Variants in PDSS2 observed in about 807,000 individuals in gnomAD.
PDSS2 encodes the protein decaprenyl diphosphate synthase subunit 2.
PDSS2 carries 31 observed loss-of-function variants against 44.5 expected under a neutral mutation model. That is an observed-to-expected ratio of 0.70 (90% CI 0.52 to 0.94). The LOEUF is 0.94. Ranked by LOEUF, PDSS2 falls within the 40% of genes least tolerant of loss-of-function variation. The pLI is 0.00. For missense variants in PDSS2, 452 were observed against 482.2 expected, an observed-to-expected ratio of 0.94 and a Z score of 0.59; for synonymous variants, 157 against 180.3, an observed-to-expected ratio of 0.87 and a Z score of 1.03.
chr6:107,455,639 AGTTACTGGG>A (rs1465960910), intron 1 of PDSS2, among the ~76,000 whole-genome samples: 1 of 151,330 alleles, frequency 6.6e-6, no homozygotes, highest in Non-Finnish European at 1.5e-5. Context: ...CTGCAATCCC[AGTTACTGGG>A]GAGGCTGAGG....
At chr6:107,191,253 C>T (rs1772370000) in intron 7 of PDSS2, among the ~76,000 whole-genome samples, 3 of 152,150 alleles carry the variant, frequency 2.0e-5, no homozygotes, top group Admixed American at 2.0e-4. Flanking sequence ...TAGACAGCCA[C>T]TCTGGCTGGT....
At chr6:107,189,591 C>A (rs1772298980) in intron 7 of PDSS2, among the ~76,000 whole-genome samples, 1 of 152,178 alleles carries the variant, frequency 6.6e-6, no homozygotes, top group African/African-American at 2.4e-5. Context: ...ACCCCCATGG[C>A]CTCCCAAAGT....
chr6:107,286,702 T>C (rs917709061), intron 2 of PDSS2, among the ~76,000 whole-genome samples: 6 of 151,676 alleles, frequency 4.0e-5, no homozygotes, highest in Non-Finnish European at 7.4e-5. Flanking sequence ...CCAGAAGAAA[T>C]ACAAGTGGCC....
intron 2 of PDSS2, among the ~76,000 whole-genome samples, chr6:107,333,954 T>G (rs1287299971): frequency 6.6e-6 from 1 of 151,924 alleles, no homozygotes; most frequent in Non-Finnish European, 1.5e-5. Flanking sequence ...GAACAGAAAA[T>G]TTTAAATGCC....
At chr6:107,433,039 C>T (rs774593466) in intron 1 of PDSS2, among the ~76,000 whole-genome samples, 8 of 152,180 alleles carry the variant, frequency 5.3e-5, no homozygotes, top group Admixed American at 1.3e-4. Flanking sequence ...TCTTTCTGTT[C>T]TGACTTATTT....
intron 1 of PDSS2, among the ~76,000 whole-genome samples, chr6:107,457,091 C>T (rs980960191): frequency 6.6e-6 from 1 of 152,048 alleles, no homozygotes; most frequent in African/African-American, 2.4e-5. Flanking sequence ...TAACTGGGAA[C>T]GATGCCAAGG....
intron 1 of PDSS2, among the ~76,000 whole-genome samples, chr6:107,399,475 C>T (rs571437773): frequency 6.6e-6 from 1 of 152,290 alleles, no homozygotes; most frequent in Admixed American, 6.5e-5. Flanking sequence ...GCATCCTTCC[C>T]ACCCTTGGCC....
intron 3 of PDSS2, among the ~76,000 whole-genome samples, chr6:107,260,956 C>T (rs1775200222): frequency 6.6e-6 from 1 of 152,190 alleles, no homozygotes; most frequent in Non-Finnish European, 1.5e-5. Context: ...GCCATCGCGC[C>T]TGGCCCCCCC....
intron 4 of PDSS2, among the ~76,000 whole-genome samples, chr6:107,223,467 G>A (rs1300060015): frequency 6.6e-6 from 1 of 151,068 alleles, no homozygotes; most frequent in African/African-American, 2.5e-5. Flanking sequence ...GGAGGGAGGT[G>A]GAGGTTGCAG....
intron 1 of PDSS2, among the ~76,000 whole-genome samples, chr6:107,455,086 C>G (rs1220251666): frequency 6.6e-6 from 1 of 151,922 alleles, no homozygotes; most frequent in Non-Finnish European, 1.5e-5. Context: ...GCAACACATA[C>G]ATGCTAGGAC....
intron 4 of PDSS2, among the ~76,000 whole-genome samples, chr6:107,215,153 C>T (rs1773369257): frequency 2.0e-5 from 3 of 151,958 alleles, no homozygotes; most frequent in Admixed American, 6.6e-5. Flanking sequence ...CTAAGAAAAA[C>T]CATATTATCT....
chr6:107,203,169 C>T (rs1213866474), intron 6 of PDSS2, among the ~76,000 whole-genome samples: 2 of 152,140 alleles, frequency 1.3e-5, no homozygotes. Flanking sequence ...TGATGGAGTA[C>T]TTCAAACTCA....
At chr6:107,335,872 C>T (rs1777870436) in intron 1 of PDSS2, among the ~76,000 whole-genome samples, 1 of 152,008 alleles carries the variant, frequency 6.6e-6, no homozygotes, top group South Asian at 2.1e-4. Flanking sequence ...TAATACTTGA[C>T]TGAATTATCA....
At chr6:107,450,123 T>C (rs966570168) in intron 1 of PDSS2, among the ~76,000 whole-genome samples, 6 of 152,194 alleles carry the variant, frequency 3.9e-5, no homozygotes, top group African/African-American at 1.4e-4. Context: ...AGATTGACTT[T>C]TTTCACTCAG....
At chr6:107,280,174 G>A (rs746321959) in intron 2 of PDSS2, among the ~76,000 whole-genome samples, 19 of 151,938 alleles carry the variant, frequency 1.3e-4, no homozygotes, top group African/African-American at 4.4e-4. Flanking sequence ...ATTCTCATGC[G>A]TCAGCCTCCC....
chr6:107,432,631 C>A (rs889280613), intron 1 of PDSS2, among the ~76,000 whole-genome samples: 1 of 152,112 alleles, frequency 6.6e-6, no homozygotes, highest in Admixed American at 6.5e-5. Context: ...CAAAAATTAG[C>A]CAGGCGTGGT....
chr6:107,364,269 T>C (rs1778886731), intron 1 of PDSS2, among the ~76,000 whole-genome samples: 1 of 152,176 alleles, frequency 6.6e-6, no homozygotes, highest in Non-Finnish European at 1.5e-5. Context: ...GGGTGGTCGA[T>C]GGGACTGGGC....
intron 2 of PDSS2, among the ~76,000 whole-genome samples, chr6:107,329,556 G>A (rs1265171285): frequency 6.6e-6 from 1 of 152,120 alleles, no homozygotes; most frequent in Non-Finnish European, 1.5e-5. Context: ...AAGGATGCCA[G>A]TTATATTGAG....
intron 1 of PDSS2, among the ~76,000 whole-genome samples, chr6:107,433,720 T>C (rs1321009457): frequency 2.0e-5 from 3 of 152,214 alleles, no homozygotes; most frequent in Non-Finnish European, 2.9e-5. Flanking sequence ...CAAAGATTAC[T>C]TGAATAATGT....
Sources: allele counts gnomAD v4.1 joint callset (sites outside exome capture counted in the v4.1 genomes callset), GRCh38; gene constraint gnomAD v4.1.1; transcripts MANE v1.5; gene names NCBI Gene and HGNC (gene_info 2026-07-23, HGNC 2026-07-21).